The following XXYLT1 variants were observed in gnomAD, a reference collection of about 807,000 sequenced individuals.
XXYLT1 encodes xyloside xylosyltransferase 1, also known as UDP-xylose:alpha-xyloside alpha-1,3-xylosyltransferase.
Under a neutral mutation model 28.9 loss-of-function variants are expected in XXYLT1, and 20 were observed. The ratio of observed to expected loss-of-function variants is 0.69; its 90% CI spans 0.49 to 1.00. The LOEUF is 1.00. XXYLT1 is among the 50% of genes least tolerant of loss of function. The pLI, the probability that XXYLT1 is intolerant of heterozygous loss-of-function variation, is 0.00. For synonymous variants in XXYLT1, 257 were observed against 253.8 expected (o/e 1.01, Z -0.12); for missense variants, 542 against 560.1 (o/e 0.97, Z 0.33).
chr3:195,080,727 G>A (rs980410769), intron 3 of XXYLT1, among the ~76,000 whole-genome samples: 20 of 152,274 alleles, frequency 1.3e-4, no homozygotes, highest in Middle Eastern at 3.4e-3. Context: ...TGGGAAAGGC[G>A]GCAGGGAGGG....
intron 2 of XXYLT1, among the ~76,000 whole-genome samples, chr3:195,161,321 C>T (rs574095169): frequency 6.6e-6 from 1 of 152,332 alleles, no homozygotes; most frequent in Middle Eastern, 3.4e-3. Flanking sequence ...TGAGCCACGA[C>T]ACATTTCTGA....
chr3:195,186,798 C>T (rs73063147), intron 2 of XXYLT1, among the ~76,000 whole-genome samples: 2,044 of 152,166 alleles, frequency 0.013, 47 homozygotes, highest in African/African-American at 0.047. Flanking sequence ...CAAGATCTGG[C>T]TCACAGGTGA....
At chr3:195,158,336 G>A (rs1255512148) in intron 2 of XXYLT1, among the ~76,000 whole-genome samples, 1 of 152,196 alleles carries the variant, frequency 6.6e-6, no homozygotes, top group Non-Finnish European at 1.5e-5. Flanking sequence ...TCTGGAGAGG[G>A]CATTCCTTGA....
At chr3:195,237,959 T>C (rs949007780) in intron 1 of XXYLT1, among the ~76,000 whole-genome samples, 1 of 152,128 alleles carries the variant, frequency 6.6e-6, no homozygotes, top group Non-Finnish European at 1.5e-5. Context: ...TCTGACAGGT[T>C]TCCCTACCTC....
intron 2 of XXYLT1, among the ~76,000 whole-genome samples, chr3:195,177,936 TA>T (rs56022005): frequency 0.088 from 10,167 of 115,606 alleles, 562 homozygotes; most frequent in East Asian, 0.25. Flanking sequence ...CTCTGTCTCT[TA>T]AAAAAAAAAA....
intron 3 of XXYLT1, among the ~76,000 whole-genome samples, chr3:195,107,169 C>T (rs901202219): frequency 3.3e-5 from 5 of 152,034 alleles, no homozygotes; most frequent in Admixed American, 3.3e-4. Flanking sequence ...TGAGTCCAGA[C>T]GCCCTTCAAA....
intron 3 of XXYLT1, among the ~76,000 whole-genome samples, chr3:195,085,731 C>T (rs1286663796): frequency 6.6e-6 from 1 of 152,226 alleles, no homozygotes; most frequent in Non-Finnish European, 1.5e-5. Context: ...GAGTTTGGTT[C>T]AAAACCGTCA....
chr3:195,264,784 G>A lies in XXYLT1; in HGVS notation c.504+5771C>T, dbSNP rs1389702083. Among the ~76,000 whole-genome samples the A allele has an allele frequency of 2.0e-5, 3 of 152,312 alleles. No individual in the cohort carries two copies. The East Asian group carries it at 5.8e-4, about 29-fold the overall frequency. ...ATACATGCTATAAAAGACATGCACA[G>A]CCGGGCGTGTTGGCTCACAACTGCA... is the stretch of plus-strand genomic sequence containing the variant. On this transcript the variant is annotated intron_variant, in intron 1 of 3. Transcript: ENST00000310380.
chr3:195,252,723 C>CAGAGAGAGAG (rs1465288212), intron 1 of XXYLT1, among the ~76,000 whole-genome samples: 22 of 129,308 alleles, frequency 1.7e-4, no homozygotes, highest in African/African-American at 5.9e-4. Flanking sequence ...CACACACACA[C>CAGAGAGAGAG]ACACAGAGAG....
rs967271294 is a variant in XXYLT1, at chr3:195,129,851, C to T, written c.785+26598G>A. On this transcript the variant is annotated intron_variant, in intron 3 of 3. Transcript: ENST00000310380. The surrounding 1 kb of genome is among the most constrained non-coding windows in gnomAD (Gnocchi z 4.4). ...TCTGTACACCTATCTAGGAGTGGAA[C>T]GGCTGGTCAGGGTCACTAAGTTTGT... is the stretch of plus-strand genomic sequence containing the variant. Among the ~76,000 whole-genome samples the T allele has an allele frequency of 6.6e-6, 1 of 152,144 alleles. No homozygotes were observed. Among genetic ancestry groups the T allele is most frequent in the East Asian group, 1.9e-4 (1 of 5,200 alleles).
intron 1 of XXYLT1, among the ~76,000 whole-genome samples, chr3:195,243,284 C>T (rs1293559391): frequency 1.3e-5 from 2 of 151,622 alleles, no homozygotes; most frequent in Non-Finnish European, 2.9e-5. Context: ...GGGTGCAGCA[C>T]ACCATCATGG....
rs117098069 is a variant in XXYLT1, at chr3:195,123,472, C to T, written c.785+32977G>A. 6.0e-4 allele frequency among the ~76,000 whole-genome samples: 92 copies of T among 152,238 alleles called. No individual in the cohort carries two copies. In the East Asian group the frequency reaches 0.014, roughly 23 times the overall value. ...GAGGTGCTACTGCCTGAGTCACTAA[C>T]GTCGGTGATATAACAGAGAAGGCCT... On this transcript the variant is annotated intron_variant, in intron 3 of 3. Transcript: ENST00000310380.
chr3:195,130,180 G>T (rs977260270), intron 3 of XXYLT1, among the ~76,000 whole-genome samples: 3 of 152,272 alleles, frequency 2.0e-5, no homozygotes, highest in South Asian at 2.1e-4. Context: ...GGATTTCCTG[G>T]TAGATCTGTG....
intron 3 of XXYLT1, among the ~76,000 whole-genome samples, chr3:195,079,793 AG>A (rs1715324703): frequency 6.6e-6 from 1 of 152,276 alleles, no homozygotes; most frequent in African/African-American, 2.4e-5. Context: ...GGGTGTGAGA[AG>A]GGTTTGAGAA....
In XXYLT1 at chr3:195,186,621, C is replaced by A. The variant is rs112615038; in HGVS notation, c.653-30040G>T. ...AGGAAGTCTTTAGTAACAATCCCCCCCCACACACCCTGAATCCCCCACTCG... is the reference window on the plus strand; with the variant it reads ...AGGAAGTCTTTAGTAACAATCCCCCACCACACACCCTGAATCCCCCACTCG... On this transcript the variant is annotated intron_variant, in intron 2 of 3. Coordinates refer to ENST00000310380, the MANE Select transcript of XXYLT1 (RefSeq NM_152531.5). Among the ~76,000 whole-genome samples the A allele has an allele frequency of 1.6e-3, 249 of 152,198 alleles. 1 individual carries two copies. The highest frequency in any genetic ancestry group is 2.8e-3 in the Non-Finnish European group (193 of 68,020).
Position 195,127,901 on chromosome 3 carries a change from T to C in XXYLT1, c.785+28548A>G, listed in dbSNP as rs188220860. Among the ~76,000 whole-genome samples the C allele has an allele frequency of 6.6e-5, 10 of 152,298 alleles. No homozygotes were observed. In the East Asian group the frequency reaches 7.7e-4, roughly 12 times the overall value. ...GTCTGTGAAATGATTATATAAATCA[T>C]TGAAAGAGGTAATTGTGCAAATGTG... On this transcript the variant is annotated intron_variant, in intron 3 of 3. Transcript: ENST00000310380.
chr3:195,243,642 A>C (rs1724878246), intron 1 of XXYLT1, among the ~76,000 whole-genome samples: 2 of 144,822 alleles, frequency 1.4e-5, no homozygotes, highest in South Asian at 4.2e-4. Context: ...TCCTGAAGAC[A>C]CTATCAGTGG....
chr3:195,247,847 G>T (rs1200387896), intron 1 of XXYLT1: 3 of 701,948 alleles, frequency 4.3e-6, no homozygotes, highest in Non-Finnish European at 5.2e-6. Flanking sequence ...TAGTGCAGCA[G>T]GACAGAGAGA....
At chr3:195,183,581 C>T (rs1277895954) in intron 2 of XXYLT1, 1 of 152,194 alleles carries the variant, frequency 6.6e-6, no homozygotes, top group Admixed American at 6.5e-5. Flanking sequence ...CTTTGGGTCT[C>T]TGAAAAATTG....
Sources: gnomAD v4.1 joint callset for allele counts (sites outside exome capture counted in the v4.1 genomes callset) on GRCh38, gnomAD v4.1.1 for gene constraint, Gnocchi (gnomAD v3.1) non-coding constraint, MANE v1.5 for transcripts, NCBI Gene and HGNC (gene_info 2026-07-23, HGNC 2026-07-21) for gene names.